Variants in RTN3 observed in about 807,000 individuals in gnomAD.
RTN3 encodes the protein reticulon-3.
Under a neutral mutation model 77.8 loss-of-function variants are expected in RTN3, and 49 were observed. The ratio of observed to expected loss-of-function variants is 0.63; its 90% CI spans 0.50 to 0.80. The LOEUF (loss-of-function observed/expected upper bound fraction) is 0.80. RTN3 is among the 30% of genes least tolerant of loss of function. The pLI is 0.00. For synonymous variants in RTN3, 464 were observed against 446.9 expected, an observed-to-expected ratio of 1.04 and a Z score of -0.48; for missense variants, 1,236 against 1,211.9, an observed-to-expected ratio of 1.02 and a Z score of -0.29.
At chr11:63,711,210 G>T (rs2011151917) in intron 2 of RTN3, among the ~76,000 whole-genome samples, 1 of 151,968 alleles carries the variant, frequency 6.6e-6, no homozygotes, top group African/African-American at 2.4e-5. Context: ...AACCGGGGAG[G>T]TGGAGGTTGC....
intron 3 of RTN3, among the ~76,000 whole-genome samples, chr11:63,725,798 A>G (rs2012220733): frequency 6.6e-6 from 1 of 151,984 alleles, no homozygotes; most frequent in African/African-American, 2.4e-5. Flanking sequence ...ATATGTGACT[A>G]TTTCCCCAGC....
chr11:63,705,438 C>T (rs1032873600), intron 2 of RTN3, among the ~76,000 whole-genome samples: 5 of 152,174 alleles, frequency 3.3e-5, no homozygotes, highest in Admixed American at 1.3e-4. Flanking sequence ...GATGATCGTG[C>T]CACTGCACTC....
intron 3 of RTN3, among the ~76,000 whole-genome samples, chr11:63,739,922 G>T (rs1047826233): frequency 6.6e-6 from 1 of 152,172 alleles, no homozygotes; most frequent in African/African-American, 2.4e-5. Flanking sequence ...TTTCTGGGTG[G>T]ATGGTAGAAC....
chr11:63,708,815 C>T (rs1470319153), intron 2 of RTN3, among the ~76,000 whole-genome samples: 3 of 152,158 alleles, frequency 2.0e-5, no homozygotes, highest in Non-Finnish European at 4.4e-5. Context: ...TATATTTCAG[C>T]CTAATCCCTG....
chr11:63,689,405 TTAAA>T (rs1004081418), intron 1 of RTN3, among the ~76,000 whole-genome samples: 1 of 152,216 alleles, frequency 6.6e-6, no homozygotes, highest in Non-Finnish European at 1.5e-5. Context: ...AGTGTGTGTG[TTAAA>T]TAAGTTTAGC....
At chr11:63,729,656 C>G (rs1326678757) in intron 3 of RTN3, among the ~76,000 whole-genome samples, 1 of 151,546 alleles carries the variant, frequency 6.6e-6, no homozygotes, top group Admixed American at 6.6e-5. Flanking sequence ...GACAGAGTCT[C>G]ATTATGTTGC....
chr11:63,711,576 T>C (rs1342867271), intron 2 of RTN3, among the ~76,000 whole-genome samples: 1 of 151,792 alleles, frequency 6.6e-6, no homozygotes, highest in Non-Finnish European at 1.5e-5. Context: ...AAAAATTTTA[T>C]TTTTGAGACG....
intron 7 of RTN3, among the ~76,000 whole-genome samples, chr11:63,754,426 C>T (rs979837033): frequency 2.0e-5 from 3 of 151,286 alleles, no homozygotes; most frequent in African/African-American, 7.3e-5. Context: ...TGGGGCCAGG[C>T]ACGGTGGCTC....
intron 1 of RTN3, among the ~76,000 whole-genome samples, chr11:63,684,129 G>GTTTTTTTTTTT (rs61663789): frequency 7.0e-5 from 6 of 85,252 alleles, no homozygotes; most frequent in Non-Finnish European, 1.0e-4. Flanking sequence ...TTTTCTTTTG[G>GTTTTTTTTTTT]TTTTTTTTTT....
In RTN3 at chr11:63,758,188, A is replaced by C; in HGVS notation, c.3086A>C (p.Lys1029Thr). ...IQAKLPGIAK[K>T]KAE is the part of the protein sequence containing the mutation. ...GCAAAACTCCCTGGAATCGCCAAAA[A>C]AAAGGCAGAATAAGTACATGGAAAC... Residue 1029 changes from lysine (K) to threonine (T), a missense_variant, in exon 9 of 9, where the codon AAA (lysine) becomes ACA (threonine). Physicochemically the swap from Lys to Thr is moderately conservative, Grantham distance 78. Coordinates refer to ENST00000377819, the MANE Select transcript of RTN3 (RefSeq NM_001265589.2). The C allele has an allele frequency of 1.9e-6, 3 of 1,610,312 alleles. No homozygotes were observed. The highest frequency in any genetic ancestry group is 2.5e-6 in the Non-Finnish European group (3 of 1,179,002).
chr11:63,728,184 C>T (rs572779222), intron 3 of RTN3, among the ~76,000 whole-genome samples: 12 of 152,254 alleles, frequency 7.9e-5, no homozygotes, highest in African/African-American at 2.9e-4. Flanking sequence ...GTACTTAATT[C>T]TTTTACAGTG....
At chr11:63,725,441 T>C (rs2012179458) in intron 3 of RTN3, among the ~76,000 whole-genome samples, 1 of 151,848 alleles carries the variant, frequency 6.6e-6, no homozygotes, top group Non-Finnish European at 1.5e-5. Context: ...TCTTTTTTTT[T>C]TTCCTTTTTC....
chr11:63,694,509 G>C (rs1338062528), intron 1 of RTN3, among the ~76,000 whole-genome samples: 1 of 152,090 alleles, frequency 6.6e-6, no homozygotes, highest in Non-Finnish European at 1.5e-5. Context: ...GCATGGCTCT[G>C]TCACCCAGTC....
At chr11:63,721,616 T>C (rs1441795398) in intron 3 of RTN3, among the ~76,000 whole-genome samples, 1 of 151,866 alleles carries the variant, frequency 6.6e-6, no homozygotes, top group African/African-American at 2.4e-5. Flanking sequence ...TATGCTCCAG[T>C]TATATTTCAA....
intron 3 of RTN3, among the ~76,000 whole-genome samples, chr11:63,723,950 T>C (rs984984295): frequency 1.3e-4 from 20 of 152,212 alleles, no homozygotes; most frequent in Non-Finnish European, 2.5e-4. Context: ...AATTAAGTTA[T>C]GATAGACTCT....
chr11:63,744,657 A>G (rs890393432), intron 3 of RTN3, among the ~76,000 whole-genome samples: 3 of 152,218 alleles, frequency 2.0e-5, no homozygotes, highest in South Asian at 2.1e-4. Context: ...TAACTGTACT[A>G]TACTCAGCCA....
At chr11:63,694,023 G>T (rs1201534521) in intron 1 of RTN3, among the ~76,000 whole-genome samples, 1 of 152,108 alleles carries the variant, frequency 6.6e-6, no homozygotes, top group Non-Finnish European at 1.5e-5. Flanking sequence ...AGGAGGCTGA[G>T]GTGGGAGTAT....
At chr11:63,710,804 A>G (rs1254043602) in intron 2 of RTN3, among the ~76,000 whole-genome samples, 2 of 152,218 alleles carry the variant, frequency 1.3e-5, no homozygotes, top group Non-Finnish European at 2.9e-5. Context: ...TGAGGCAGTA[A>G]ATCAGAGATA....
intron 3 of RTN3, among the ~76,000 whole-genome samples, chr11:63,730,785 C>T (rs1007002521): frequency 6.6e-6 from 1 of 152,076 alleles, no homozygotes; most frequent in East Asian, 1.9e-4. Context: ...CACCACTGCA[C>T]TCCAGCCTGG....
Sources: allele counts gnomAD v4.1 joint callset (sites outside exome capture counted in the v4.1 genomes callset), GRCh38; gene constraint gnomAD v4.1.1; transcripts MANE v1.5; gene names NCBI Gene and HGNC (gene_info 2026-07-23, HGNC 2026-07-21).